The following ZFR variants were observed in gnomAD, a reference collection of about 807,000 sequenced individuals.
ZFR encodes zinc finger RNA binding protein, also known as zinc finger RNA-binding protein.
In ZFR, 19 loss-of-function variants were observed where a neutral mutation model predicts 130.7. That is an observed-to-expected ratio of 0.15 (90% CI 0.10 to 0.21). The LOEUF (loss-of-function observed/expected upper bound fraction) is 0.21. Among genes scored for constraint, ZFR ranks in the 10% least tolerant of loss-of-function variants. The probability of loss-of-function intolerance (pLI) is 1.00; values close to 1 mark genes in which losing one functional copy is unlikely to be tolerated. For synonymous variants in ZFR, 466 were observed against 456.9 expected (o/e 1.02, Z -0.25); for missense variants, 872 against 1,321.5 (o/e 0.66, Z 5.27).
intron 2 of ZFR, among the ~76,000 whole-genome samples, chr5:32,432,194 T>C (rs1320935272): frequency 1.3e-5 from 2 of 152,164 alleles, no homozygotes; most frequent in East Asian, 1.9e-4. Context: ...TATGTTGAGC[T>C]GGGGATGTTG....
chr5:32,417,427 G>A (rs1753851733), intron 4 of ZFR, among the ~76,000 whole-genome samples: 1 of 152,168 alleles, frequency 6.6e-6, no homozygotes. Context: ...CAGCAGGAAT[G>A]GACTGTGGGC....
chr5:32,420,939 A>T (rs1464415672), intron 2 of ZFR, among the ~76,000 whole-genome samples: 1 of 152,226 alleles, frequency 6.6e-6, no homozygotes, highest in Non-Finnish European at 1.5e-5. Flanking sequence ...AATATATAAT[A>T]GCATGTTTTG....
intron 15 of ZFR, among the ~76,000 whole-genome samples, chr5:32,384,762 T>C (rs1215704699): frequency 6.6e-6 from 1 of 152,172 alleles, no homozygotes; most frequent in Non-Finnish European, 1.5e-5. Flanking sequence ...GCTTTGAAAA[T>C]GTTACAGAAT....
chr5:32,387,372 A>G lies in ZFR; in HGVS notation c.2499+177T>C, dbSNP rs547281810. 2.0e-5 allele frequency among the ~76,000 whole-genome samples: 3 copies of G among 152,316 alleles called. No homozygotes were observed. The East Asian group carries it at 5.8e-4, about 29-fold the overall frequency. On this transcript the variant is annotated intron_variant, in intron 14 of 19. Transcript: ENST00000265069. Reference sequence around the variant, plus strand: ...CAAATATAATCACTATAAAACCTAAAAAAGATGAAGTAGAAAATAGTTTCA... The same window carrying G: ...CAAATATAATCACTATAAAACCTAAGAAAGATGAAGTAGAAAATAGTTTCA...
rs869249272 is a variant in ZFR, at chr5:32,438,253, A to ATTTTTTTTTTTTTTTTTT, written c.137+5958_137+5975dup. ...AGAATGCTACTGATTTTATCTGAAA[A>ATTTTTTTTTTTTTTTTTT]TTTTTTTTTTTTTTTTTTTTTTTTT... On this transcript the variant is annotated intron_variant, in intron 2 of 19. Transcript: ENST00000265069. Among the ~76,000 whole-genome samples the ATTTTTTTTTTTTTTTTTT allele has an allele frequency of 1.4e-3, 85 of 61,066 alleles. 15 individuals carry two copies. The highest frequency in any genetic ancestry group is 0.019 in the Middle Eastern group (2 of 104). 40.1% of individuals were successfully genotyped at this position (61,066 alleles called of 152,430 possible). A position where few individuals can be genotyped will look rare whatever the true frequency, so the allele number is the denominator to read the frequency against.
At chr5:32,371,139 GC>G (rs1752662233) in intron 17 of ZFR, among the ~76,000 whole-genome samples, 2 of 152,174 alleles carry the variant, frequency 1.3e-5, no homozygotes, top group Admixed American at 1.3e-4. Flanking sequence ...GAAGACCGTG[GC>G]AAGAGGATCG....
Position 32,385,753 on chromosome 5 carries a change from T to C in ZFR, c.2500-104A>G. ...CTCTCTTACTACCCTAACCATTCTA[T>C]ATGAGGACCAGATTATATACTGCTC... On this transcript the variant is annotated intron_variant, in intron 14 of 19. Transcript: ENST00000265069. The C allele has an allele frequency of 4.6e-6, 6 of 1,307,262 alleles. No homozygotes were observed. The Admixed American group carries it at 8.1e-5, about 18-fold the overall frequency. The allele number at this position is 1,307,262 out of a possible 1,614,324, so 81.0% of individuals were successfully genotyped here.
At chr5:32,359,739 AGGAGTTCGACACCAGCCT>A (rs1245784451) in intron 19 of ZFR, among the ~76,000 whole-genome samples, 2 of 152,234 alleles carry the variant, frequency 1.3e-5, no homozygotes, top group Non-Finnish European at 2.9e-5. Flanking sequence ...CCACGAGGTC[AGGAGTTCGACACCAGCCT>A]GGCCAACATG....
chr5:32,357,356 C>G (rs767573587), intron 19 of ZFR, among the ~76,000 whole-genome samples: 2 of 152,200 alleles, frequency 1.3e-5, no homozygotes, highest in African/African-American at 4.8e-5. Flanking sequence ...ACCTCCGCCT[C>G]TAGGGTTCAA....
intron 4 of ZFR, among the ~76,000 whole-genome samples, chr5:32,415,523 C>CGCGCGCGCGCAT: frequency 7.6e-6 from 1 of 132,106 alleles, no homozygotes; most frequent in East Asian, 2.2e-4. Context: ...TGTGCGCGCG[C>CGCGCGCGCGCAT]GCGCGCGCGC....
At chr5:32,405,198 T>C (rs2111780131) in intron 6 of ZFR, among the ~76,000 whole-genome samples, 1 of 152,284 alleles carries the variant, frequency 6.6e-6, no homozygotes. Context: ...TGAGCCTCAA[T>C]TATTTAGGGC....
intron 17 of ZFR, among the ~76,000 whole-genome samples, chr5:32,371,811 G>A (rs1227810873): frequency 6.6e-6 from 1 of 151,144 alleles, no homozygotes; most frequent in African/African-American, 2.4e-5. Context: ...TGGCTAAAAT[G>A]CAGATAAAAG....
intron 2 of ZFR, among the ~76,000 whole-genome samples, chr5:32,424,777 T>C (rs1384188183): frequency 1.3e-5 from 2 of 152,188 alleles, no homozygotes; most frequent in African/African-American, 2.4e-5. Context: ...ATAAATACTA[T>C]TGATAAGATA....
chr5:32,403,504 A>AT (rs1753514107), intron 7 of ZFR, 107 bp from the exon 8 acceptor site: 5 of 1,381,432 alleles, frequency 3.6e-6, no homozygotes, highest in Admixed American at 2.3e-5. Context: ...TCTTTGTTGT[A>AT]TTTTTTCTGC....
chr5:32,441,629 A>G (rs1264366228), intron 2 of ZFR, among the ~76,000 whole-genome samples: 2 of 152,206 alleles, frequency 1.3e-5, no homozygotes, highest in African/African-American at 4.8e-5. Flanking sequence ...TTGGTCTTCC[A>G]TCTCTAAAAG....
At chr5:32,436,527 T>C (rs1197437454) in intron 2 of ZFR, among the ~76,000 whole-genome samples, 2 of 152,216 alleles carry the variant, frequency 1.3e-5, no homozygotes, top group African/African-American at 4.8e-5. Context: ...CCAGGCACTG[T>C]ACTTTCTCTA....
intron 17 of ZFR, among the ~76,000 whole-genome samples, chr5:32,372,705 C>T (rs779513970): frequency 9.2e-5 from 14 of 151,894 alleles, no homozygotes; most frequent in Middle Eastern, 3.4e-3. Context: ...TGGTGGCGCG[C>T]GCGCTTGTAA....
intron 2 of ZFR, among the ~76,000 whole-genome samples, chr5:32,439,369 C>G (rs1244310036): frequency 6.6e-6 from 1 of 151,940 alleles, no homozygotes; most frequent in African/African-American, 2.4e-5. Flanking sequence ...TTCCTGAATT[C>G]AAGACACAAT....
chr5:32,439,091 A>G (rs1161668886), intron 2 of ZFR, among the ~76,000 whole-genome samples: 2 of 152,222 alleles, frequency 1.3e-5, no homozygotes, highest in Non-Finnish European at 2.9e-5. Context: ...CTCTATTAAG[A>G]CTAATAGCCA....
Sources: gnomAD v4.1 joint callset for allele counts (sites outside exome capture counted in the v4.1 genomes callset) on GRCh38, gnomAD v4.1.1 for gene constraint, MANE v1.5 for transcripts, NCBI Gene and HGNC (gene_info 2026-07-23, HGNC 2026-07-21) for gene names.